The following PALM2AKAP2 variants were observed in gnomAD, a reference collection of about 807,000 sequenced individuals.
PALM2AKAP2 encodes PALM2 and AKAP2 fusion.
PALM2AKAP2 carries 37 observed loss-of-function variants against 71.5 expected under a neutral mutation model. The ratio of observed to expected loss-of-function variants is 0.52; its 90% confidence interval spans 0.40 to 0.68. PALM2AKAP2 has a LOEUF of 0.68. Among genes scored for constraint, PALM2AKAP2 ranks in the 30% least tolerant of loss-of-function variants. The probability of loss-of-function intolerance (pLI) is 0.00; values close to 1 mark genes in which losing one functional copy is unlikely to be tolerated. For missense variants in PALM2AKAP2, 1,224 were observed against 1,191.8 expected (o/e 1.03, Z -0.40); for synonymous variants, 468 against 478.8 (o/e 0.98, Z 0.29).
chr9:110,002,056 A>G (rs1007469158), intron 6 of PALM2AKAP2, among the ~76,000 whole-genome samples: 1 of 152,144 alleles, frequency 6.6e-6, no homozygotes, highest in Non-Finnish European at 1.5e-5. Context: ...ACTATGTTGA[A>G]TGGGAGTGAT....
intron 1 of PALM2AKAP2, among the ~76,000 whole-genome samples, chr9:109,671,790 T>C (rs951966176): frequency 8.5e-5 from 13 of 152,164 alleles, no homozygotes; most frequent in African/African-American, 2.9e-4. Flanking sequence ...TTTGTAGTTC[T>C]CCTTGTAGAG....
chr9:109,988,526 A>AAGAAGGAAGGGAGGGG (rs1832418373), intron 6 of PALM2AKAP2, among the ~76,000 whole-genome samples: 1 of 151,620 alleles, frequency 6.6e-6, no homozygotes, highest in African/African-American at 2.4e-5. Flanking sequence ...GAAGGGAGGG[A>AAGAAGGAAGGGAGGGG]AGAAGGAAGG....
intron 1 of PALM2AKAP2, among the ~76,000 whole-genome samples, chr9:109,751,479 G>C (rs1319135963): frequency 3.9e-5 from 6 of 152,090 alleles, no homozygotes; most frequent in African/African-American, 1.4e-4. Context: ...AGACTCTAGA[G>C]GGAACTCCAG....
chr9:109,960,524 T>C (rs1831834747), intron 6 of PALM2AKAP2, among the ~76,000 whole-genome samples: 2 of 152,036 alleles, frequency 1.3e-5, no homozygotes, highest in African/African-American at 4.8e-5. Flanking sequence ...TGCCTGTAAA[T>C]CCCAGCTACA....
intron 1 of PALM2AKAP2, among the ~76,000 whole-genome samples, chr9:109,684,525 C>G (rs980579599): frequency 3.9e-5 from 6 of 152,164 alleles, no homozygotes; most frequent in African/African-American, 1.4e-4. Flanking sequence ...CAGAATTTTT[C>G]TATCCAAGGT....
intron 1 of PALM2AKAP2, among the ~76,000 whole-genome samples, chr9:109,801,148 C>G (rs565618179): frequency 6.6e-6 from 1 of 152,204 alleles, no homozygotes; most frequent in South Asian, 2.1e-4. Context: ...CATTTCAGCT[C>G]AGCAGACAGA....
chr9:110,093,715 G>A (rs1168532545), intron 1 of PALM2AKAP2, among the ~76,000 whole-genome samples: 3 of 151,992 alleles, frequency 2.0e-5, no homozygotes, highest in African/African-American at 7.3e-5. Context: ...ACCTTACAAC[G>A]AGCTGTTTGT....
At chr9:110,141,331 C>T (rs1281307549) in intron 2 of PALM2AKAP2, among the ~76,000 whole-genome samples, 2 of 152,046 alleles carry the variant, frequency 1.3e-5, no homozygotes, top group Non-Finnish European at 2.9e-5. Flanking sequence ...GGTAATTCAT[C>T]CGTGCAAGTC....
At chr9:109,878,174 T>G (rs912921988) in intron 2 of PALM2AKAP2, among the ~76,000 whole-genome samples, 1 of 152,166 alleles carries the variant, frequency 6.6e-6, no homozygotes, top group Non-Finnish European at 1.5e-5. Flanking sequence ...CGTAAGCAAA[T>G]TGTACTGCCC....
Position 109,849,476 on chromosome 9 carries a change from G to A in PALM2AKAP2, c.46-18015G>A, listed in dbSNP as rs540555566. Among the ~76,000 whole-genome samples, 81 of 152,300 alleles carry A rather than the reference G, an allele frequency of 5.3e-4. 1 individual carries two copies. The highest frequency in any genetic ancestry group is 1.7e-3 in the African/African-American group (70 of 41,562). On this transcript the variant is annotated intron_variant, in intron 1 of 9. Transcript: ENST00000302798. ...AAAAAACAAAACCAGGGCTGGGCGC[G>A]GTAGCTCACACCTGTAATCCCAGCA...
chr9:109,957,265 G>A (rs1831764666), intron 6 of PALM2AKAP2, among the ~76,000 whole-genome samples: 2 of 152,210 alleles, frequency 1.3e-5, no homozygotes, highest in South Asian at 4.1e-4. Context: ...GTGGCCAGAT[G>A]TGAGTTTTCA....
At chr9:110,007,261 C>T (rs1016172159) in intron 6 of PALM2AKAP2, among the ~76,000 whole-genome samples, 1 of 152,168 alleles carries the variant, frequency 6.6e-6, no homozygotes, top group Non-Finnish European at 1.5e-5. Flanking sequence ...TACCTTGGGA[C>T]TTGTTATATG....
chr9:110,048,531 C>T, upstream of PALM2AKAP2: 1 of 625,726 alleles, frequency 1.6e-6, no homozygotes, highest in East Asian at 3.4e-5. Context: ...GCCGAAGCCA[C>T]TGAGAGGAGA....
chr9:110,004,654 CT>C (rs1162343065), intron 6 of PALM2AKAP2, among the ~76,000 whole-genome samples: 2 of 152,210 alleles, frequency 1.3e-5, no homozygotes, highest in Admixed American at 6.5e-5. Flanking sequence ...CTCCCTGTCA[CT>C]TTCAGGTACA....
chr9:110,073,945 G>C (rs534660433), intron 1 of PALM2AKAP2, among the ~76,000 whole-genome samples: 1 of 152,048 alleles, frequency 6.6e-6, no homozygotes, highest in African/African-American at 2.4e-5. Context: ...GAATTGCAAA[G>C]GGAATATAGT....
intron 1 of PALM2AKAP2, among the ~76,000 whole-genome samples, chr9:109,700,377 G>A (rs186170696): frequency 1.3e-3 from 194 of 152,236 alleles, no homozygotes; most frequent in Non-Finnish European, 2.2e-3. Flanking sequence ...ACGTGACTTT[G>A]CTCCTCCTTC....
chr9:110,014,800 AAAAATGTATATATATATATATATAT>A (rs1832944262), intron 6 of PALM2AKAP2, among the ~76,000 whole-genome samples: 5 of 51,702 alleles, frequency 9.7e-5, no homozygotes, highest in African/African-American at 2.9e-4. Flanking sequence ...AAAAAAAAAA[AAAAATGTATATATATATATATATAT>A]ATATATATAT....
At chr9:109,747,424 G>A (rs1055166709) in intron 1 of PALM2AKAP2, among the ~76,000 whole-genome samples, 5 of 152,104 alleles carry the variant, frequency 3.3e-5, no homozygotes, top group Admixed American at 1.3e-4. Context: ...TTGCCTTGAC[G>A]TTCTTGGGGT....
At chr9:110,046,029 C>T (rs1003475286), upstream of PALM2AKAP2, among the ~76,000 whole-genome samples, 5 of 152,278 alleles carry the variant, frequency 3.3e-5, no homozygotes, top group East Asian at 1.9e-4. Flanking sequence ...CCCCCCTAAT[C>T]GTGACAATAA....
Sources: gnomAD v4.1 joint callset for allele counts (sites outside exome capture counted in the v4.1 genomes callset) on GRCh38, gnomAD v4.1.1 for gene constraint, MANE v1.5 for transcripts, NCBI Gene and HGNC (gene_info 2026-07-23, HGNC 2026-07-21) for gene names.